FUT8: variants seen among roughly 807,000 people sequenced by gnomAD.
FUT8 encodes alpha-(1,6)-fucosyltransferase.
In FUT8, 29 loss-of-function variants were observed where a neutral mutation model predicts 71.3. That is an observed-to-expected ratio of 0.41 (90% CI 0.30 to 0.55). The LOEUF is 0.55. Ranked by LOEUF, FUT8 falls within the 20% of genes least tolerant of loss-of-function variation. FUT8 has a pLI of 0.34. For synonymous variants in FUT8, 254 were observed against 239.3 expected (o/e 1.06, Z -0.57); for missense variants, 544 against 702.1 (o/e 0.77, Z 2.55).
At chr14:65,421,552 A>G (rs2065294986) in intron 1 of FUT8, among the ~76,000 whole-genome samples, 1 of 152,208 alleles carries the variant, frequency 6.6e-6, no homozygotes, top group South Asian at 2.1e-4. Context: ...GAAGGAGTCA[A>G]AAGCAGTCTT....
intron 7 of FUT8, among the ~76,000 whole-genome samples, chr14:65,674,669 C>T (rs183111283): frequency 1.3e-3 from 204 of 152,278 alleles, no homozygotes; most frequent in Non-Finnish European, 1.5e-3. Context: ...AGAGTCTCTC[C>T]GCAGCTACCT....
At chr14:65,677,151 T>TGTGTGTGTGTGTGTGCGCGCGCGCGC in intron 7 of FUT8, among the ~76,000 whole-genome samples, 10 of 110,700 alleles carry the variant, frequency 9.0e-5, no homozygotes, top group Non-Finnish European at 1.3e-4. Flanking sequence ...TGTGTGTGTG[T>TGTGTGTGTGTGTGTGCGCGCGCGCGC]GCGCGCGCGC....
At chr14:65,509,274 T>G (rs1882177720) in intron 2 of FUT8, among the ~76,000 whole-genome samples, 1 of 152,186 alleles carries the variant, frequency 6.6e-6, no homozygotes, top group Admixed American at 6.5e-5. Flanking sequence ...GTTCTATTGT[T>G]CTGTGTGCCT....
chr14:65,432,979 C>T (rs191769777), intron 1 of FUT8, among the ~76,000 whole-genome samples: 10 of 152,166 alleles, frequency 6.6e-5, no homozygotes, highest in Non-Finnish European at 1.3e-4. Flanking sequence ...TGGACTCGCC[C>T]TGAATTCTTT....
At chr14:65,622,594 C>A (rs1480327120) in intron 5 of FUT8, among the ~76,000 whole-genome samples, 1 of 152,170 alleles carries the variant, frequency 6.6e-6, no homozygotes, top group East Asian at 1.9e-4. Flanking sequence ...GTTTTCCCCA[C>A]CTGTGTCAGT....
At chr14:65,703,311 C>T (rs1259647550) in intron 7 of FUT8, among the ~76,000 whole-genome samples, 2 of 152,226 alleles carry the variant, frequency 1.3e-5, no homozygotes, top group Admixed American at 1.3e-4. Flanking sequence ...TTCCCTCCTC[C>T]CACTTGCATG....
intron 1 of FUT8, among the ~76,000 whole-genome samples, chr14:65,453,431 G>C (rs1243359341): frequency 6.6e-6 from 1 of 152,124 alleles, no homozygotes; most frequent in Non-Finnish European, 1.5e-5. Context: ...CCACTACTGA[G>C]GCAAAACCCT....
In FUT8 at chr14:65,572,385, C is replaced by T. The variant is rs532883643; in HGVS notation, c.203+10619C>T. Among the ~76,000 whole-genome samples, 4 of 152,240 alleles carry T rather than the reference C, an allele frequency of 2.6e-5. No individual in the cohort carries two copies. The South Asian group carries it at 8.3e-4, about 32-fold the overall frequency. On this transcript the variant is annotated intron_variant, in intron 3 of 10. Transcript: ENST00000673929. ...TATAGCAGCCCTGTGAGTAAGTACTCACATTATCCCCATTTTGTAGATGTA... is the reference window on the plus strand; with the variant it reads ...TATAGCAGCCCTGTGAGTAAGTACTTACATTATCCCCATTTTGTAGATGTA...
At chr14:65,632,618 C>G (rs1227663805) in intron 6 of FUT8, among the ~76,000 whole-genome samples, 1 of 151,768 alleles carries the variant, frequency 6.6e-6, no homozygotes, top group Admixed American at 6.6e-5. Context: ...GTGTATTAGT[C>G]CTTTGTCAGA....
chr14:65,583,610 G>A lies in FUT8; in HGVS notation c.203+21844G>A, dbSNP rs982560251. ...CTTATGGGCTCTAGGCAACATAAGC[G>A]ACATTTAATTTATTTAGATTGCTGA... On this transcript the variant is annotated intron_variant, in intron 3 of 10. Coordinates refer to ENST00000673929, the MANE Select transcript of FUT8 (RefSeq NM_001371533.1). Among the ~76,000 whole-genome samples, 4 of 149,954 alleles carry A rather than the reference G, an allele frequency of 2.7e-5. No homozygotes were observed. In the East Asian group the frequency reaches 5.9e-4, roughly 22 times the overall value.
At chr14:65,512,158 T>C (rs1363412142) in intron 2 of FUT8, among the ~76,000 whole-genome samples, 1 of 152,188 alleles carries the variant, frequency 6.6e-6, no homozygotes, top group Non-Finnish European at 1.5e-5. Context: ...AGTAAAATTA[T>C]GGTATTTATA....
At chr14:65,449,116 A>G (rs1263992229) in intron 1 of FUT8, among the ~76,000 whole-genome samples, 2 of 152,210 alleles carry the variant, frequency 1.3e-5, no homozygotes, top group Non-Finnish European at 2.9e-5. Flanking sequence ...TTAATTGGTA[A>G]GAAACTAGAC....
At chr14:65,560,603 C>T (rs1182416894) in intron 2 of FUT8, among the ~76,000 whole-genome samples, 2 of 152,112 alleles carry the variant, frequency 1.3e-5, no homozygotes, top group East Asian at 3.8e-4. Context: ...TGTAACCAAG[C>T]CTGGAAAAGA....
intron 2 of FUT8, among the ~76,000 whole-genome samples, chr14:65,533,211 A>G (rs1207126198): frequency 6.6e-6 from 1 of 152,146 alleles, no homozygotes; most frequent in East Asian, 1.9e-4. Context: ...GTTTGATAGG[A>G]ATAGCATTGA....
intron 7 of FUT8, among the ~76,000 whole-genome samples, chr14:65,715,627 T>C (rs1214225343): frequency 6.6e-6 from 1 of 152,256 alleles, no homozygotes; most frequent in Non-Finnish European, 1.5e-5. Context: ...CTGCTTTCAC[T>C]GTATCCCATA....
At chr14:65,568,765 GTTAA>G (rs1486821182) in intron 3 of FUT8, among the ~76,000 whole-genome samples, 3 of 151,188 alleles carry the variant, frequency 2.0e-5, no homozygotes, top group South Asian at 4.2e-4. Flanking sequence ...AGTTAGGTTG[GTTAA>G]TTAAGTTATT....
chr14:65,723,411 A>G (rs1033650422), intron 8 of FUT8, among the ~76,000 whole-genome samples: 1 of 152,180 alleles, frequency 6.6e-6, no homozygotes, highest in African/African-American at 2.4e-5. Context: ...AGTACAGGGA[A>G]GTGTGAATCT....
At chr14:65,439,545 A>G (rs1016344579) in intron 1 of FUT8, among the ~76,000 whole-genome samples, 7 of 152,166 alleles carry the variant, frequency 4.6e-5, no homozygotes, top group Non-Finnish European at 2.9e-5. Flanking sequence ...AAAAAATTTT[A>G]AAGGGTGATA....
chr14:65,399,295 C>T, the FUT8 span, among the ~76,000 whole-genome samples: 4 of 152,054 alleles, frequency 2.6e-5, no homozygotes, highest in East Asian at 1.9e-4. Flanking sequence ...CCAGCTAGGG[C>T]GATAGAGCGA....
Sources: allele counts gnomAD v4.1 joint callset (sites outside exome capture counted in the v4.1 genomes callset), GRCh38; gene constraint gnomAD v4.1.1; transcripts MANE v1.5; gene names NCBI Gene and HGNC (gene_info 2026-07-23, HGNC 2026-07-21).